Variants in CHFR observed in about 807,000 individuals in gnomAD.
CHFR encodes E3 ubiquitin-protein ligase CHFR.
In CHFR, 57 loss-of-function variants were observed where a neutral mutation model predicts 87.6. That is an observed-to-expected ratio of 0.65 (90% CI 0.53 to 0.81). The LOEUF (loss-of-function observed/expected upper bound fraction) is 0.81, where lower values mean the gene tolerates loss of function less well. CHFR is among the 30% of genes least tolerant of loss of function. CHFR has a pLI of 0.00. For missense variants in CHFR, 797 were observed against 865.8 expected (o/e 0.92, Z 1.00); for synonymous variants, 381 against 359.2 (o/e 1.06, Z -0.69).
At chr12:132,874,259 G>A (rs1409000330) in intron 3 of CHFR, among the ~76,000 whole-genome samples, 1 of 152,274 alleles carries the variant, frequency 6.6e-6, no homozygotes, top group African/African-American at 2.4e-5. Context: ...CCACCATGCA[G>A]TCAGCACAGG....
At chr12:132,881,617 C>CA (rs1426448111) in intron 2 of CHFR, among the ~76,000 whole-genome samples, 1 of 152,138 alleles carries the variant, frequency 6.6e-6, no homozygotes, top group Non-Finnish European at 1.5e-5. Flanking sequence ...CCTGTAATCC[C>CA]AGCACTTTGG....
rs144432167 is a variant in CHFR at position 132,868,367 on chromosome 12, G to A, written c.583+1252C>T. ...TAGCCAGGCGTGGTGACGGGTGCCT[G>A]TAGTCCCAGCTACTCAGAGGCTGAG... is the stretch of plus-strand genomic sequence containing the variant. On this transcript the variant is annotated intron_variant, in intron 6 of 17. Coordinates refer to ENST00000450056, the MANE Select transcript of CHFR (RefSeq NM_001161346.2). 1.3e-4 allele frequency among the ~76,000 whole-genome samples: 20 copies of A among 152,210 alleles called. No homozygotes were observed. In the East Asian group the frequency reaches 3.7e-3, roughly 28 times the overall value.
At position 132,848,743 on chromosome 12, in the gene CHFR, C is replaced by A; in HGVS notation, c.1493-19G>T. 6.4e-7 allele frequency: 1 copy of A among 1,557,292 alleles called. No individual in the cohort carries two copies. Among genetic ancestry groups the A allele is most frequent in the Non-Finnish European group, 8.7e-7 (1 of 1,146,578 alleles). ...ACCGCACCTGTGGAGAGAGGACACTCGTTACACGCACTCAGCGCTGAGGGC... is the reference window on the plus strand; with the variant it reads ...ACCGCACCTGTGGAGAGAGGACACTAGTTACACGCACTCAGCGCTGAGGGC... On this transcript the variant is annotated intron_variant, in intron 12 of 17. Transcript: ENST00000450056.
At chr12:132,849,915 T>C (rs1378325863) in intron 12 of CHFR, 4 of 152,202 alleles carry the variant, frequency 2.6e-5, no homozygotes, top group African/African-American at 9.6e-5. Flanking sequence ...CCTAGGTATT[T>C]TTCCATGTTG....
chr12:132,861,624 A>C lies in CHFR; in HGVS notation c.594T>G (p.Gly198=). ...RERSSSCGSG[G]GGISPKGSGP... is the part of the protein sequence containing the mutation. ...CACTTCCTTTAGGGGAGATGCCACC[A>C]CCCCCAGACCCTGTGAGAGGAATCA... Residue 198 remains glycine, a synonymous_variant, in exon 7 of 18, where the codon GGT becomes GGG. Transcript: ENST00000450056. 1 of 1,613,838 alleles carries C rather than the reference A, an allele frequency of 6.2e-7. No homozygotes were observed. The highest frequency in any genetic ancestry group is 8.5e-7 in the Non-Finnish European group (1 of 1,179,894).
chr12:132,865,367 C>CT (rs1030049389), intron 6 of CHFR, among the ~76,000 whole-genome samples: 143 of 147,346 alleles, frequency 9.7e-4, no homozygotes, highest in Admixed American at 1.6e-3. Flanking sequence ...GTTTTCTTTT[C>CT]TTTTTTTTTT....
At position 132,887,592 on chromosome 12, in the gene CHFR, T is replaced by C. The variant is rs1951933660; in HGVS notation, c.-58A>G. 6.5e-6 allele frequency: 1 copy of C among 152,880 alleles called. No homozygotes were observed. Among genetic ancestry groups the C allele is most frequent in the South Asian group, 1.9e-4 (1 of 5,148 alleles). 9.5% of individuals were successfully genotyped at this position (152,880 alleles called of 1,614,324 possible). On this transcript the variant is annotated 5_prime_UTR_variant, in exon 1 of 18. Transcript: ENST00000450056. ...GGAACCGGCTGCGCCGCCGCCGCTG[T>C]CAAGAGACATTGCGGCTCCCTCAGC...
At chr12:132,876,618 AC>A (rs1260168982) in intron 3 of CHFR, among the ~76,000 whole-genome samples, 1 of 152,224 alleles carries the variant, frequency 6.6e-6, no homozygotes, top group African/African-American at 2.4e-5. Flanking sequence ...GCTTGCAAGA[AC>A]CAAAAATTAC....
intron 3 of CHFR, among the ~76,000 whole-genome samples, chr12:132,872,784 C>G (rs1411340626): frequency 2.0e-5 from 3 of 152,198 alleles, no homozygotes; most frequent in East Asian, 1.9e-4. Flanking sequence ...ATCACAACCC[C>G]GGTGAACTCA....
At chr12:132,851,588 C>A in intron 12 of CHFR, 30 bp downstream of exon 12, 3 of 1,585,472 alleles carry the variant, frequency 1.9e-6, no homozygotes, top group Non-Finnish European at 2.6e-6. Context: ...AGATAGGAAC[C>A]CGCCTGCGTG....
At chr12:132,852,231 G>A (rs1255973576) in intron 11 of CHFR, among the ~76,000 whole-genome samples, 6 of 151,124 alleles carry the variant, frequency 4.0e-5, no homozygotes, top group South Asian at 2.1e-4. Flanking sequence ...CTTGTGATCC[G>A]CCCGCCTCGG....
At position 132,844,026 on chromosome 12, in the gene CHFR, C is replaced by T. The variant is rs1352453047; in HGVS notation, c.1843+1G>A. 6.2e-7 allele frequency: 1 copy of T among 1,608,124 alleles called. No homozygotes were observed. Among genetic ancestry groups the T allele is most frequent in the Non-Finnish European group, 8.5e-7 (1 of 1,174,710 alleles). ...CCATGAGGAAGTCGGGGGCTCCTTA[C>T]CTGGCAACTCGGAAGCAGGAATGTT... is the stretch of plus-strand genomic sequence containing the variant. On this transcript the variant is annotated splice_donor_variant, in intron 16 of 17. Coordinates refer to ENST00000450056, the MANE Select transcript of CHFR (RefSeq NM_001161346.2). LOFTEE classifies it high-confidence loss of function.
chr12:132,852,106 C>A (rs921719236), intron 11 of CHFR, among the ~76,000 whole-genome samples: 6 of 151,878 alleles, frequency 4.0e-5, no homozygotes, highest in Admixed American at 6.6e-5. Flanking sequence ...GCTTTAGCCT[C>A]CCGAGTAGCT....
rs1018359775 is a variant in CHFR at position 132,856,280 on chromosome 12, C to T, written c.1229+188G>A. Among the ~76,000 whole-genome samples, 6 of 152,210 alleles carry T rather than the reference C, an allele frequency of 3.9e-5. No homozygotes were observed. The East Asian group carries it at 9.6e-4, about 24-fold the overall frequency. ...CTAAGTGTTCACCCAGTCCCTGCCACGCCTCTCAGGGGAGGTGCTAATACT... is the reference window on the plus strand; with the variant it reads ...CTAAGTGTTCACCCAGTCCCTGCCATGCCTCTCAGGGGAGGTGCTAATACT... On this transcript the variant is annotated intron_variant, in intron 10 of 17. Transcript: ENST00000450056.
Position 132,853,569 on chromosome 12 carries a change from G to A in CHFR, c.1234C>T (p.Pro412Ser), listed in dbSNP as rs1020597739. The change falls in exon 11 of 18, where the codon CCA becomes TCA. Residue 412 changes from proline (P) to serine (S), a missense_variant. Pro to Ser is a moderately conservative substitution (Grantham distance 74). Around this residue, in one of 2 missense-constraint regions of CHFR, gnomAD observed 597 missense variants for 601.2 expected, o/e 0.99. Transcript: ENST00000450056. ...VDSESSDISQ[P>S]YVVCRQCPEY... ...GGACACTGCCGGCACACGACGTATGGCTGGCTGCAAGGAAGCACAGGGCCG... is the reference window on the plus strand; with the variant it reads ...GGACACTGCCGGCACACGACGTATGACTGGCTGCAAGGAAGCACAGGGCCG... The A allele has an allele frequency of 5.2e-6, 8 of 1,529,050 alleles. No homozygotes were observed. Among genetic ancestry groups the A allele is most frequent in the Non-Finnish European group, 7.0e-6 (8 of 1,141,020 alleles). 94.7% of individuals were successfully genotyped at this position (1,529,050 alleles called of 1,614,324 possible). A position where few individuals can be genotyped will look rare whatever the true frequency, so the allele number is the denominator to read the frequency against.
intron 8 of CHFR, 21 bp from the exon 9 acceptor site, chr12:132,857,580 GT>G: frequency 6.2e-7 from 1 of 1,611,208 alleles, no homozygotes. Context: ...AAGAGGAACA[GT>G]GTCCAGACAG....
At position 132,840,467 on chromosome 12, in the gene CHFR, T is replaced by C. The variant is rs1315555821; in HGVS notation, c.*1087A>G. 6.5e-6 allele frequency: 1 copy of C among 152,682 alleles called. No individual in the cohort carries two copies. The highest frequency in any genetic ancestry group is 1.5e-5 in the Non-Finnish European group (1 of 68,042). 9.5% of individuals were successfully genotyped at this position (152,682 alleles called of 1,614,324 possible). ...AGCAAGACAACAGTTGAAAACTGTA[T>C]TCCTGAGAAGAAGCAAAAAAGTTAT... is the stretch of plus-strand genomic sequence containing the variant. On this transcript the variant is annotated 3_prime_UTR_variant, in exon 18 of 18. Coordinates refer to ENST00000450056, the MANE Select transcript of CHFR (RefSeq NM_001161346.2).
Position 132,879,070 on chromosome 12 carries a change from T to A in CHFR, c.134-1416A>T, listed in dbSNP as rs181488501. On this transcript the variant is annotated intron_variant, in intron 2 of 17. Coordinates refer to ENST00000450056, the MANE Select transcript of CHFR (RefSeq NM_001161346.2). ...CCCAGGCTGGAGTGCAGTGGCACCA[T>A]CTCGGCTCACCACAACCTCCACCTC... Among the ~76,000 whole-genome samples the A allele has an allele frequency of 4.2e-3, 619 of 146,400 alleles. 4 individuals are homozygous for A. Among genetic ancestry groups the A allele is most frequent in the African/African-American group, 0.015 (583 of 40,010 alleles).
Position 132,846,356 on chromosome 12 carries a change from G to A in CHFR, c.1735+687C>T, listed in dbSNP as rs368200517. Among the ~76,000 whole-genome samples the A allele has an allele frequency of 1.1e-4, 16 of 149,336 alleles. No homozygotes were observed. In the East Asian group the frequency reaches 1.6e-3, roughly 15 times the overall value. ...TGGCTCACTGCAAGCTCCGCCTCCC[G>A]GGTTCACGCCATTCTCCTTCCTCAG... On this transcript the variant is annotated intron_variant, in intron 15 of 17. Coordinates refer to ENST00000450056, the MANE Select transcript of CHFR (RefSeq NM_001161346.2).
Sources: allele counts gnomAD v4.1 joint callset (sites outside exome capture counted in the v4.1 genomes callset), GRCh38; gene constraint gnomAD v4.1.1; regional missense constraint gnomAD v4.1.1; transcripts MANE v1.5; gene names NCBI Gene and HGNC (gene_info 2026-07-23, HGNC 2026-07-21).